FAT1: variants seen among roughly 807,000 people sequenced by gnomAD.
The protein encoded by FAT1 is protocadherin Fat 1.
Under a neutral mutation model 329.8 loss-of-function variants are expected in FAT1, and 171 were observed. The ratio of observed to expected loss-of-function variants is 0.52; its 90% CI spans 0.46 to 0.59. FAT1 has a LOEUF of 0.59. Among genes scored for constraint, FAT1 ranks in the 20% least tolerant of loss-of-function variants. The pLI, the probability that FAT1 is intolerant of heterozygous loss-of-function variation, is 0.00. For synonymous variants in FAT1, 2,233 were observed against 2,228.6 expected (o/e 1.00, Z -0.06); for missense variants, 5,672 against 5,774.4 (o/e 0.98, Z 0.57).
In FAT1 at chr4:186,619,526, G is replaced by A. The variant is rs768285583; in HGVS notation, c.7060C>T (p.Arg2354Trp). 6.8e-6 allele frequency: 11 copies of A among 1,613,910 alleles called. No homozygotes were observed. Among genetic ancestry groups the A allele is most frequent in the Admixed American group, 1.7e-5 (1 of 60,024 alleles). ...GCCCTCACAAAAATCGTGTGCTGCC[G>A]GGACTGCTCGTAATCCAGGGTTCTG... Reference protein sequence around the residue: ...LLRTLDYEQSRQHTIFVRAVD... With the variant: ...LLRTLDYEQSWQHTIFVRAVD... The change falls in exon 10 of 27, where the codon CGG (arginine) becomes TGG (tryptophan). Residue 2354 changes from arginine (R) to tryptophan (W), a missense_variant. Around this residue, in one of 2 missense-constraint regions of FAT1, gnomAD observed 3,966 missense variants for 3,915.2 expected, o/e 1.01. Coordinates refer to ENST00000441802, the MANE Select transcript of FAT1 (RefSeq NM_005245.4).
chr4:186,609,912 G>A lies in FAT1; in HGVS notation c.9957C>T (p.Ala3319=), dbSNP rs1739322404. The A allele has an allele frequency of 1.2e-6, 2 of 1,612,998 alleles. No homozygotes were observed. Among genetic ancestry groups the A allele is most frequent in the Non-Finnish European group, 1.7e-6 (2 of 1,179,022 alleles). The change falls in exon 15 of 27, where the codon GCC becomes GCT. Residue 3319 remains alanine (A), a synonymous_variant. Coordinates refer to ENST00000441802, the MANE Select transcript of FAT1 (RefSeq NM_005245.4). ...DGGTPSLSDV[A]TVNVNVTDIN... is the part of the protein sequence containing the mutation. ...TATCTGTTACATTAACGTTCACAGT[G>A]GCAACGTCGCTCAGTGAAGGCGTGC...
At position 186,599,933 on chromosome 4, in the gene FAT1, T is replaced by C; in HGVS notation, c.12068A>G (p.Gln4023Arg). 5.0e-6 allele frequency: 8 copies of C among 1,613,396 alleles called. No homozygotes were observed. Among genetic ancestry groups the C allele is most frequent in the Non-Finnish European group, 5.9e-6 (7 of 1,179,496 alleles). The change falls in exon 22 of 27, where the codon CAG (glutamine) becomes CGG (arginine). Residue 4023 changes from glutamine (Q) to arginine (R), a missense_variant. Gln to Arg is a conservative substitution (Grantham distance 43). Around this residue, in one of 2 missense-constraint regions of FAT1, gnomAD observed 1,706 missense variants for 1,859.1 expected, o/e 0.92. Transcript: ENST00000441802. ...TGACGGATTGCAAACGCCTCCATTC[T>C]GGCAAGGGTTGCTGGCGCAGTCTTC... is the stretch of plus-strand genomic sequence containing the variant. ...ATEDCASNPCQNGGVCNPSPA... is the reference protein window; with the variant it reads ...ATEDCASNPCRNGGVCNPSPA...
In FAT1 at chr4:186,614,334, G is replaced by A. The variant is rs2126479192; in HGVS notation, c.9086C>T (p.Ser3029Leu). The change falls in exon 12 of 27, where the codon TCA (serine) becomes TTA (leucine). Residue 3029 changes from serine to leucine, a missense_variant. Ser to Leu is a moderately radical substitution (Grantham distance 145). Transcript: ENST00000441802. ...AAGGACGTCTTCAGGAATAGTGTCTGAATATAAAGTCTGCAAAGAGTTTAA... is the reference window on the plus strand; with the variant it reads ...AAGGACGTCTTCAGGAATAGTGTCTAAATATAAAGTCTGCAAAGAGTTTAA... ...NSPVCEKTLYSDTIPEDVLPG... is the reference protein window; with the variant it reads ...NSPVCEKTLYLDTIPEDVLPG... The A allele has an allele frequency of 6.5e-7, 1 of 1,547,216 alleles. No individual in the cohort carries two copies. Among genetic ancestry groups the A allele is most frequent in the Non-Finnish European group, 8.7e-7 (1 of 1,153,740 alleles).
chr4:186,702,524 C>T (rs1218774263), intron 2 of FAT1, among the ~76,000 whole-genome samples: 1 of 152,222 alleles, frequency 6.6e-6, no homozygotes, highest in Admixed American at 6.5e-5. Context: ...GCAATACACA[C>T]ATCAGGGAAC....
rs11542880 is a variant in FAT1, at chr4:186,587,999, T to C, written c.*593A>G. 1,682 of 216,546 alleles carry C rather than the reference T, an allele frequency of 7.8e-3. 38 individuals carry two copies. The highest frequency in any genetic ancestry group is 0.035 in the African/African-American group (1,571 of 44,474). 13.4% of individuals were successfully genotyped at this position (216,546 alleles called of 1,614,324 possible). A position where few individuals can be genotyped will look rare whatever the true frequency, so the allele number is the denominator to read the frequency against. On this transcript the variant is annotated 3_prime_UTR_variant, in exon 27 of 27. Coordinates refer to ENST00000441802, the MANE Select transcript of FAT1 (RefSeq NM_005245.4). Reference sequence around the variant, plus strand: ...TTATAATTCTAAATACAGCAACCCATGTAAGACATGTTCATGTATCTGATC... The same window carrying C: ...TTATAATTCTAAATACAGCAACCCACGTAAGACATGTTCATGTATCTGATC...
chr4:186,712,946 C>T (rs911247268), intron 1 of FAT1, among the ~76,000 whole-genome samples: 6 of 106,690 alleles, frequency 5.6e-5, no homozygotes, highest in African/African-American at 1.8e-4. Flanking sequence ...GCGGTAAGGC[C>T]GGGGCACATC....
chr4:186,695,243 AGAG>A (rs1238975608), intron 2 of FAT1, among the ~76,000 whole-genome samples: 13 of 152,236 alleles, frequency 8.5e-5, no homozygotes, highest in African/African-American at 3.1e-4. Flanking sequence ...TTTTCAATCC[AGAG>A]GATGATACAG....
At chr4:186,673,462 T>C (rs1364771091) in intron 2 of FAT1, among the ~76,000 whole-genome samples, 1 of 152,238 alleles carries the variant, frequency 6.6e-6, no homozygotes, top group Non-Finnish European at 1.5e-5. Flanking sequence ...CTGAAGTATT[T>C]ATGTAGGTAA....
chr4:186,663,463 G>A lies in FAT1; in HGVS notation c.3416C>T (p.Thr1139Ile), dbSNP rs1742277087. ...TTCTGGGTAATAAACAGGCTCTGAT[G>A]TCTGTGGTGCATTGTCATTGACATC... is the stretch of plus-strand genomic sequence containing the variant. Reference protein sequence around the residue: ...VEDVNDNAPQTSEPVYYPEIM... With the variant: ...VEDVNDNAPQISEPVYYPEIM... The change falls in exon 3 of 27, where the codon ACA becomes ATA. Residue 1139 changes from threonine to isoleucine, a missense_variant. By Grantham distance (89) the Thr-to-Ile change is moderately conservative. This residue lies in a region of FAT1 where 3,966 missense variants were observed against 3,915.2 expected (regional missense o/e 1.01). Transcript: ENST00000441802. 5 of 1,614,032 alleles carry A rather than the reference G, an allele frequency of 3.1e-6. No individual in the cohort carries two copies. Among genetic ancestry groups the A allele is most frequent in the Admixed American group, 1.7e-5 (1 of 60,022 alleles).
At chr4:186,594,924 AAAAATT>A (rs1272839072) in intron 26 of FAT1, among the ~76,000 whole-genome samples, 1 of 152,016 alleles carries the variant, frequency 6.6e-6, no homozygotes, top group Non-Finnish European at 1.5e-5. Context: ...TTTATACAAT[AAAAATT>A]ATCATTAAAC....
chr4:186,640,284 T>C (rs186356109), intron 3 of FAT1, among the ~76,000 whole-genome samples: 1 of 152,340 alleles, frequency 6.6e-6, no homozygotes, highest in Non-Finnish European at 1.5e-5. Context: ...TTTCTCACTT[T>C]AATGACTCAT....
intron 2 of FAT1, among the ~76,000 whole-genome samples, chr4:186,688,029 A>G (rs1006455737): frequency 6.6e-6 from 1 of 150,998 alleles, no homozygotes; most frequent in African/African-American, 2.4e-5. Context: ...ATGACTATAT[A>G]CTGCCTTTTT....
At chr4:186,634,008 A>C (rs1740711218) in intron 6 of FAT1, among the ~76,000 whole-genome samples, 185 bp from the exon 7 acceptor site, 1 of 152,196 alleles carries the variant, frequency 6.6e-6, no homozygotes, top group African/African-American at 2.4e-5. Context: ...AGGCAAAGTG[A>C]ACCCTAATTG....
At chr4:186,704,692 A>G (rs958124013) in intron 2 of FAT1, among the ~76,000 whole-genome samples, 3 of 152,234 alleles carry the variant, frequency 2.0e-5, no homozygotes, top group Non-Finnish European at 4.4e-5. Context: ...ATGTTGAAAC[A>G]GTATTTGAAA....
At position 186,603,818 on chromosome 4, in the gene FAT1, T is replaced by C; in HGVS notation, c.10708A>G (p.Thr3570Ala). ...AGAGTATCATACACGTCCTGGTCTGTGGCATGGATCTTCCCAATGACGCCA... is the reference window on the plus strand; with the variant it reads ...AGAGTATCATACACGTCCTGGTCTGCGGCATGGATCTTCCCAATGACGCCA... ...SGGVIGKIHA[T>A]DQDVYDTLTY... Residue 3570 changes from threonine (T) to alanine (A), a missense_variant, in exon 19 of 27, where the codon ACA becomes GCA. This residue lies in a region of FAT1 where 1,706 missense variants were observed against 1,859.1 expected (regional missense o/e 0.92). Coordinates refer to ENST00000441802, the MANE Select transcript of FAT1 (RefSeq NM_005245.4). The C allele has an allele frequency of 1.9e-6, 3 of 1,613,924 alleles. No homozygotes were observed. Among genetic ancestry groups the C allele is most frequent in the Non-Finnish European group, 2.5e-6 (3 of 1,179,882 alleles).
At chr4:186,645,422 T>TGC (rs1741322723) in intron 3 of FAT1, among the ~76,000 whole-genome samples, 1 of 58,000 alleles carries the variant, frequency 1.7e-5, no homozygotes, top group Admixed American at 2.2e-4. Context: ...TATATATATA[T>TGC]GCCTGTAAAA....
At chr4:186,685,850 C>A (rs1034420440) in intron 2 of FAT1, among the ~76,000 whole-genome samples, 1 of 152,104 alleles carries the variant, frequency 6.6e-6, no homozygotes, top group African/African-American at 2.4e-5. Context: ...TAGATGAGTC[C>A]GTCTCTAAGC....
chr4:186,663,321 G>T lies in FAT1; in HGVS notation c.3558C>A (p.Phe1186Leu), dbSNP rs1163622953. 7 of 1,613,440 alleles carry T rather than the reference G, an allele frequency of 4.3e-6. No homozygotes were observed. The highest frequency in any genetic ancestry group is 2.2e-5 in the South Asian group (2 of 91,034). Residue 1186 changes from phenylalanine (F) to leucine (L), a missense_variant, in exon 3 of 27, where the codon TTC (phenylalanine) becomes TTA (leucine). Phe to Leu is a conservative substitution (Grantham distance 22). Around this residue, in one of 2 missense-constraint regions of FAT1, gnomAD observed 3,966 missense variants for 3,915.2 expected, o/e 1.01. Coordinates refer to ENST00000441802, the MANE Select transcript of FAT1 (RefSeq NM_005245.4). Reference protein sequence around the residue: ...YKITSGNPQGFFSIHPKTGLI... With the variant: ...YKITSGNPQGLFSIHPKTGLI... ...TACCTGTTTTAGGATGTATTGAAAA[G>T]AATCCTTGTGGATTTCCACTTGTAA...
chr4:186,678,617 GTTA>G (rs1189930521), intron 2 of FAT1, among the ~76,000 whole-genome samples: 2 of 148,184 alleles, frequency 1.3e-5, no homozygotes, highest in Admixed American at 6.8e-5. Flanking sequence ...TATTATATAT[GTTA>G]TTAATATATT....
Sources: gnomAD v4.1 joint callset for allele counts (sites outside exome capture counted in the v4.1 genomes callset) on GRCh38, gnomAD v4.1.1 for gene constraint, gnomAD v4.1.1 regional missense constraint, MANE v1.5 for transcripts, NCBI Gene and HGNC (gene_info 2026-07-23, HGNC 2026-07-21) for gene names.